NUP85: variants seen among roughly 807,000 people sequenced by gnomAD.
The protein encoded by NUP85 is nucleoporin 85.
In NUP85, 23 loss-of-function variants were observed where a neutral mutation model predicts 92.8. The ratio of observed to expected loss-of-function variants is 0.25; its 90% CI spans 0.18 to 0.35. The LOEUF (loss-of-function observed/expected upper bound fraction) is 0.35, where lower values mean the gene tolerates loss of function less well. NUP85 is among the 10% of genes least tolerant of loss of function. NUP85 has a pLI of 1.00. For synonymous variants in NUP85, 314 were observed against 306.9 expected (o/e 1.02, Z -0.24); for missense variants, 759 against 822.8 (o/e 0.92, Z 0.95).
rs1480439807 is a variant in NUP85 at position 75,205,693 on chromosome 17, T to TCTGAGCGGGAGGC, written c.-58_-46dup. Reference sequence around the variant, plus strand: ...GGCGGAGTCTTGTCTCGCAGCCAGCTCTGAGCGGGAGGCCTGAGCGGGAAG... The same window carrying TCTGAGCGGGAGGC: ...GGCGGAGTCTTGTCTCGCAGCCAGCTCTGAGCGGGAGGCCTGAGCGGGAGGCCTGAGCGGGAAG... On this transcript the variant is annotated 5_prime_UTR_variant, in exon 1 of 19. Coordinates refer to ENST00000245544, the MANE Select transcript of NUP85 (RefSeq NM_024844.5). 26 of 1,597,016 alleles carry TCTGAGCGGGAGGC rather than the reference T, an allele frequency of 1.6e-5. No individual in the cohort carries two copies. The East Asian group carries it at 4.5e-4, about 27-fold the overall frequency.
intron 14 of NUP85, 24 bp downstream of exon 14, chr17:75,232,003 T>C (rs2076079433): frequency 3.1e-6 from 5 of 1,613,338 alleles, no homozygotes; most frequent in Non-Finnish European, 3.4e-6. Context: ...GCTCCCAGCC[T>C]ACTGTCTGTG....
At chr17:75,206,030 C>T (rs1180974206) in intron 1 of NUP85, among the ~76,000 whole-genome samples, 1 of 152,016 alleles carries the variant, frequency 6.6e-6, no homozygotes, top group Admixed American at 6.6e-5. Flanking sequence ...CCACTCCGTC[C>T]CTTTCCTTCC....
At chr17:75,216,342 C>T (rs111964846) in intron 6 of NUP85, 19,589 of 152,500 alleles carry the variant, frequency 0.13, 1,493 homozygotes, top group Middle Eastern at 0.23. Flanking sequence ...CTCAGCTCAC[C>T]GCAACCTCCA....
intron 16 of NUP85, 152 bp downstream of exon 16, chr17:75,233,310 T>C: frequency 1.6e-6 from 1 of 623,574 alleles, no homozygotes; most frequent in Non-Finnish European, 2.8e-6. Flanking sequence ...TCCAGGATCA[T>C]GAGTTTGGCT....
At position 75,209,993 on chromosome 17, in the gene NUP85, G is replaced by T; in HGVS notation, c.290+8G>T. Reference sequence around the variant, plus strand: ...AAAATCCAGAAAATCTCAGTAAGTTGGTTGCTGTTTGGTGTTGAAGCCCAC... The same window carrying T: ...AAAATCCAGAAAATCTCAGTAAGTTTGTTGCTGTTTGGTGTTGAAGCCCAC... On this transcript the variant is annotated splice_region_variant and intron_variant, in intron 3 of 18. Transcript: ENST00000245544. 1 of 1,590,898 alleles carries T rather than the reference G, an allele frequency of 6.3e-7. No homozygotes were observed. Among genetic ancestry groups the T allele is most frequent in the Non-Finnish European group, 8.5e-7 (1 of 1,174,658 alleles).
intron 11 of NUP85, chr17:75,229,112 C>T: frequency 1.0e-6 from 1 of 985,398 alleles, no homozygotes; most frequent in Non-Finnish European, 1.2e-6. Flanking sequence ...TCAAGTCCTC[C>T]AAAAGTATCG....
Position 75,235,642 on chromosome 17 carries a change from G to C in NUP85, c.1934G>C (p.Arg645Pro), listed in dbSNP as rs372841934. The change falls in exon 19 of 19, where the codon CGG becomes CCG. Residue 645 changes from arginine to proline, a missense_variant. Arg to Pro is a moderately radical substitution (Grantham distance 103). Transcript: ENST00000245544. ...LRLSLARNLA[R>P]AIIREGSLEG... Reference sequence around the variant, plus strand: ...CTTTCTCTGGCACGAAATCTTGCTCGGGCAATTATAAGAGAAGGCTCACTG... The same window carrying C: ...CTTTCTCTGGCACGAAATCTTGCTCCGGCAATTATAAGAGAAGGCTCACTG... 2.5e-6 allele frequency: 4 copies of C among 1,614,022 alleles called. No homozygotes were observed. The highest frequency in any genetic ancestry group is 8.5e-7 in the Non-Finnish European group (1 of 1,179,914).
chr17:75,232,166 A>T (rs2076087992), intron 14 of NUP85, 187 bp downstream of exon 14: 4 of 642,118 alleles, frequency 6.2e-6, no homozygotes, highest in Non-Finnish European at 1.1e-5. Flanking sequence ...AAAGCTAGGG[A>T]TCCACTGGAA....
At position 75,218,116 on chromosome 17, in the gene NUP85, C is replaced by A. The variant is rs2075486497; in HGVS notation, c.476-69C>A. On this transcript the variant is annotated intron_variant, in intron 6 of 18. Coordinates refer to ENST00000245544, the MANE Select transcript of NUP85 (RefSeq NM_024844.5). ...CTTGTCTGCCTTAAAGTTCTCTGTT[C>A]CTTGGATAAAGGAACTTGCTGCAGA... 7.5e-6 allele frequency: 12 copies of A among 1,605,578 alleles called. No homozygotes were observed. In the South Asian group the frequency reaches 1.3e-4, roughly 18 times the overall value.
At chr17:75,234,885 G>A (rs545989200) in intron 17 of NUP85, 97 bp downstream of exon 17, 36 of 1,461,526 alleles carry the variant, frequency 2.5e-5, no homozygotes, top group African/African-American at 2.2e-4. Flanking sequence ...CTCCTTTGTC[G>A]TTCTGCCTGT....
chr17:75,232,282 G>C (rs553830359), intron 14 of NUP85, among the ~76,000 whole-genome samples: 1 of 152,344 alleles, frequency 6.6e-6, no homozygotes, highest in Non-Finnish European at 1.5e-5. Flanking sequence ...TCCCTGTCCA[G>C]GTGGGTTGCT....
At chr17:75,213,178 C>T (rs919171132) in intron 5 of NUP85, 59 bp downstream of exon 5, 4 of 1,531,488 alleles carry the variant, frequency 2.6e-6, no homozygotes, top group Non-Finnish European at 3.6e-6. Flanking sequence ...TGGGCACCCA[C>T]CTGGGGTGGC....
chr17:75,226,286 G>C (rs2075791755), intron 11 of NUP85, 129 bp downstream of exon 11: 1 of 674,186 alleles, frequency 1.5e-6, no homozygotes, highest in Non-Finnish European at 2.6e-6. Flanking sequence ...TCCATCTCAC[G>C]CTGATATTAC....
At chr17:75,225,852 A>C (rs1453729491) in intron 10 of NUP85, 23 bp downstream of exon 10, 3 of 1,049,162 alleles carry the variant, frequency 2.9e-6, no homozygotes, top group Non-Finnish European at 4.2e-6. Context: ...GGGGTGGGCA[A>C]GGGTGGGGGT....
chr17:75,224,870 A>G (rs371592477), intron 7 of NUP85, among the ~76,000 whole-genome samples: 1 of 151,378 alleles, frequency 6.6e-6, no homozygotes, highest in Non-Finnish European at 1.5e-5. Context: ...ATAATGGACT[A>G]CAGCTGGCTG....
Position 75,231,822 on chromosome 17 carries a change from T to C in NUP85, c.1245-6T>C. The C allele has an allele frequency of 6.2e-7, 1 of 1,614,024 alleles. No individual in the cohort carries two copies. On this transcript the variant is annotated splice_region_variant and splice_polypyrimidine_tract_variant and intron_variant, in intron 13 of 18. Transcript: ENST00000245544. The surrounding 1 kb of genome is among the most constrained non-coding windows in gnomAD (Gnocchi z 4.6). The stretch of plus-strand genomic sequence containing the variant: ...CCTCATGTCTGTCCTCCTCGAACCT[T>C]TGCAGCCTGTGGCAGCTGGGGGTCG...
At chr17:75,229,169 G>A in intron 11 of NUP85, 2 of 985,194 alleles carry the variant, frequency 2.0e-6, no homozygotes, top group Non-Finnish European at 2.4e-6. Context: ...AAGAGTTCCA[G>A]CTTAATGTCT....
At chr17:75,219,835 G>C (rs1285879634) in intron 7 of NUP85, among the ~76,000 whole-genome samples, 2 of 152,162 alleles carry the variant, frequency 1.3e-5, no homozygotes, top group Non-Finnish European at 2.9e-5. Flanking sequence ...ACCTGAAGGA[G>C]GTGAGGAGAG....
At chr17:75,220,944 C>T (rs147864063) in intron 7 of NUP85, among the ~76,000 whole-genome samples, 211 of 148,158 alleles carry the variant, frequency 1.4e-3, no homozygotes, top group African/African-American at 3.9e-3. Context: ...TGCAGTGGCA[C>T]GATCTCGGCT....
Sources: allele counts gnomAD v4.1 joint callset (sites outside exome capture counted in the v4.1 genomes callset), GRCh38; gene constraint gnomAD v4.1.1; non-coding constraint Gnocchi (gnomAD v3.1); transcripts MANE v1.5; gene names NCBI Gene and HGNC (gene_info 2026-07-23, HGNC 2026-07-21).